CLASP1: variants seen among roughly 807,000 people sequenced by gnomAD.
The protein encoded by CLASP1 is CLIP-associating protein 1.
Under a neutral mutation model 192.3 loss-of-function variants are expected in CLASP1, and 38 were observed. That is an observed-to-expected ratio of 0.20 (90% confidence interval 0.15 to 0.26). CLASP1 has a LOEUF of 0.26. Among genes scored for constraint, CLASP1 ranks in the 10% least tolerant of loss-of-function variants. The probability of loss-of-function intolerance (pLI) is 1.00; values close to 1 mark genes in which losing one functional copy is unlikely to be tolerated. For synonymous variants in CLASP1, 691 were observed against 712.8 expected (o/e 0.97, Z 0.49); for missense variants, 1,433 against 1,932.5 (o/e 0.74, Z 4.85).
intron 6 of CLASP1, among the ~76,000 whole-genome samples, chr2:121,522,686 C>G (rs192190936): frequency 6.6e-6 from 1 of 152,112 alleles, no homozygotes; most frequent in East Asian, 1.9e-4. Context: ...AGTCCAGGAG[C>G]ACCTGATTTT....
exon 19 of CLASP1, chr2:121,447,443 A>T: frequency 1.3e-6 from 2 of 1,561,616 alleles, no homozygotes; most frequent in Non-Finnish European, 1.7e-6. Context: ...CGTTCACATC[A>T]ATATCACTTC....
chr2:121,588,687 A>C (rs2062012336), intron 2 of CLASP1, among the ~76,000 whole-genome samples: 1 of 152,174 alleles, frequency 6.6e-6, no homozygotes, highest in South Asian at 2.1e-4. Context: ...TAGTAAGTAG[A>C]GAGCTGTGAT....
intron 2 of CLASP1, among the ~76,000 whole-genome samples, chr2:121,571,285 C>G (rs1466982469): frequency 6.6e-6 from 1 of 152,070 alleles, no homozygotes; most frequent in Non-Finnish European, 1.5e-5. Context: ...AAGCAATCCT[C>G]CCACCTCGGC....
chr2:121,494,750 T>G (rs1260557039), intron 8 of CLASP1, among the ~76,000 whole-genome samples: 1 of 152,136 alleles, frequency 6.6e-6, no homozygotes, highest in Non-Finnish European at 1.5e-5. Context: ...GCCAACCACG[T>G]TGGCTCATGC....
intron 39 of CLASP1, among the ~76,000 whole-genome samples, chr2:121,343,105 T>C (rs1025019267): frequency 6.6e-6 from 1 of 152,186 alleles, no homozygotes; most frequent in Non-Finnish European, 1.5e-5. Flanking sequence ...GAAAGGATCA[T>C]CTTTTTAACA....
chr2:121,446,365 C>T (rs1332223116), intron 19 of CLASP1, among the ~76,000 whole-genome samples: 1 of 152,198 alleles, frequency 6.6e-6, no homozygotes, highest in Non-Finnish European at 1.5e-5. Flanking sequence ...CTCCAGGTCA[C>T]AGAGCGAATA....
intron 2 of CLASP1, among the ~76,000 whole-genome samples, chr2:121,587,257 GGAA>G (rs2061826899): frequency 6.6e-6 from 1 of 151,888 alleles, no homozygotes; most frequent in Non-Finnish European, 1.5e-5. Flanking sequence ...AGAAAAAAAA[GGAA>G]GAAGACAGAG....
At chr2:121,384,093 T>TAC (rs1156303870) in intron 32 of CLASP1, among the ~76,000 whole-genome samples, 1 of 135,808 alleles carries the variant, frequency 7.4e-6, no homozygotes, top group African/African-American at 2.7e-5. Context: ...TATGTATATA[T>TAC]ACACACATAT....
At chr2:121,574,634 CAAAA>C in intron 2 of CLASP1, among the ~76,000 whole-genome samples, 1 of 79,028 alleles carries the variant, frequency 1.3e-5, no homozygotes, top group African/African-American at 4.3e-5. Context: ...GACTCCATAT[CAAAA>C]AAAAAAAAAA....
chr2:121,445,044 T>C (rs1430890805), intron 19 of CLASP1: 17 of 860,404 alleles, frequency 2.0e-5, no homozygotes, highest in Non-Finnish European at 2.2e-5. Flanking sequence ...CGAATGTTAT[T>C]AGCTACTAAA....
chr2:121,606,856 G>A (rs1021744886), intron 1 of CLASP1, among the ~76,000 whole-genome samples: 5 of 152,148 alleles, frequency 3.3e-5, no homozygotes, highest in African/African-American at 4.8e-5. Context: ...TCAGGAGTTC[G>A]AGACAGCCTG....
chr2:121,389,205 C>T (rs1441374666), intron 30 of CLASP1, among the ~76,000 whole-genome samples: 3 of 152,008 alleles, frequency 2.0e-5, no homozygotes, highest in East Asian at 3.9e-4. Context: ...CTTTTTTCCC[C>T]TTTAATTTCA....
intron 19 of CLASP1, among the ~76,000 whole-genome samples, chr2:121,437,860 G>T (rs1197556552): frequency 6.6e-6 from 1 of 152,170 alleles, no homozygotes. Flanking sequence ...CAGGGCTCCT[G>T]CCATGCTTAG....
chr2:121,411,675 A>G (rs2077726618), intron 23 of CLASP1, among the ~76,000 whole-genome samples: 2 of 152,188 alleles, frequency 1.3e-5, no homozygotes, highest in African/African-American at 4.8e-5. Flanking sequence ...GAAAGAATCC[A>G]AAGAATTTAA....
intron 1 of CLASP1, among the ~76,000 whole-genome samples, chr2:121,621,539 C>A (rs1283190172): frequency 6.6e-6 from 1 of 152,088 alleles, no homozygotes; most frequent in African/African-American, 2.4e-5. Context: ...TTGTGTGGAC[C>A]TGTACCACCA....
intron 1 of CLASP1, among the ~76,000 whole-genome samples, chr2:121,625,573 T>A (rs983006120): frequency 2.0e-5 from 3 of 151,870 alleles, no homozygotes; most frequent in African/African-American, 4.8e-5. Context: ...TAGCTGGGAT[T>A]ACAGGCACCC....
chr2:121,455,195 G>T (rs1008334221), intron 14 of CLASP1, among the ~76,000 whole-genome samples: 1 of 152,166 alleles, frequency 6.6e-6, no homozygotes, highest in Non-Finnish European at 1.5e-5. Flanking sequence ...TCAGTGGAAG[G>T]TATAAATTTC....
chr2:121,457,447 TCACA>T (rs2086909240), intron 14 of CLASP1, among the ~76,000 whole-genome samples: 1 of 140,974 alleles, frequency 7.1e-6, no homozygotes, highest in African/African-American at 3.0e-5. Flanking sequence ...TCACTTTCTC[TCACA>T]CAGACATACA....
chr2:121,614,169 G>A (rs1273041347), intron 1 of CLASP1, among the ~76,000 whole-genome samples: 2 of 152,128 alleles, frequency 1.3e-5, no homozygotes, highest in African/African-American at 2.4e-5. Flanking sequence ...ACAATCTATT[G>A]GTAAAAGCAA....
Sources: gnomAD v4.1 joint callset for allele counts (sites outside exome capture counted in the v4.1 genomes callset) on GRCh38, gnomAD v4.1.1 for gene constraint, MANE v1.5 for transcripts, NCBI Gene and HGNC (gene_info 2026-07-23, HGNC 2026-07-21) for gene names.